The following GSTCD variants were observed in gnomAD, a reference collection of about 807,000 sequenced individuals.
GSTCD encodes the protein glutathione S-transferase C-terminal domain-containing protein.
GSTCD carries 44 observed loss-of-function variants against 68.3 expected under a neutral mutation model. The ratio of observed to expected loss-of-function variants is 0.64; its 90% CI spans 0.51 to 0.83. GSTCD has a LOEUF of 0.83. GSTCD is among the 40% of genes least tolerant of loss of function. The pLI is 0.00. For synonymous variants in GSTCD, 273 were observed against 255.2 expected (o/e 1.07, Z -0.67); for missense variants, 739 against 735.9 (o/e 1.00, Z -0.05).
intron 5 of GSTCD, among the ~76,000 whole-genome samples, chr4:105,804,614 C>T (rs1736259412): frequency 6.6e-6 from 1 of 152,012 alleles, no homozygotes; most frequent in South Asian, 2.1e-4. Flanking sequence ...AATACTTATT[C>T]TATTCTAAAA....
chr4:105,778,824 A>G (rs1020842637), intron 5 of GSTCD, among the ~76,000 whole-genome samples: 1 of 152,128 alleles, frequency 6.6e-6, no homozygotes, highest in Non-Finnish European at 1.5e-5. Context: ...ATAGTACAAT[A>G]ATTCTAATAT....
At chr4:105,770,361 T>C (rs2149242919) in intron 5 of GSTCD, among the ~76,000 whole-genome samples, 1 of 25,260 alleles carries the variant, frequency 4.0e-5, no homozygotes, top group South Asian at 8.2e-3. Context: ...TCCTTATACT[T>C]TTTTTTTTTC....
chr4:105,760,105 T>A (rs1371231036), intron 5 of GSTCD, among the ~76,000 whole-genome samples: 2 of 151,522 alleles, frequency 1.3e-5, no homozygotes, highest in African/African-American at 4.9e-5. Flanking sequence ...CTTATGCAGC[T>A]TAGTAATTTG....
intron 3 of GSTCD, 57 bp downstream of exon 3, chr4:105,719,584 T>A: frequency 7.9e-7 from 1 of 1,269,144 alleles, no homozygotes; most frequent in Non-Finnish European, 1.1e-6. Flanking sequence ...TGAAATTGCC[T>A]AGGTTTGAAT....
At chr4:105,835,492 T>C (rs1724075964) in intron 9 of GSTCD, among the ~76,000 whole-genome samples, 1 of 152,054 alleles carries the variant, frequency 6.6e-6, no homozygotes, top group African/African-American at 2.4e-5. Context: ...TGCAAGCAGC[T>C]TCCACTGTGA....
chr4:105,711,940 G>A (rs947772578), intron 1 of GSTCD, among the ~76,000 whole-genome samples: 3 of 152,054 alleles, frequency 2.0e-5, no homozygotes, highest in African/African-American at 4.8e-5. Context: ...TACTTTTCCC[G>A]ATTCACCTCA....
chr4:105,832,921 C>A (rs927553188), intron 8 of GSTCD, among the ~76,000 whole-genome samples: 14 of 152,202 alleles, frequency 9.2e-5, no homozygotes, highest in African/African-American at 3.4e-4. Context: ...TATTTACTTT[C>A]CCATTCCCTG....
chr4:105,721,979 C>T (rs1732870309), intron 3 of GSTCD, among the ~76,000 whole-genome samples: 1 of 152,068 alleles, frequency 6.6e-6, no homozygotes, highest in African/African-American at 2.4e-5. Flanking sequence ...TGTTCCAATA[C>T]TAGAAGATTG....
chr4:105,779,381 T>C lies in GSTCD; in HGVS notation c.1241-43573T>C, dbSNP rs1735193650. On this transcript the variant is annotated intron_variant, in intron 5 of 11. Coordinates refer to ENST00000515279, the MANE Select transcript of GSTCD (RefSeq NM_001370181.1). ...GATATTTTCTTCTCAGTGCATCATGTCAGGAGGACAACAAAAATAGTAAAA... is the reference window on the plus strand; with the variant it reads ...GATATTTTCTTCTCAGTGCATCATGCCAGGAGGACAACAAAAATAGTAAAA... Among the ~76,000 whole-genome samples the C allele has an allele frequency of 1.3e-5, 2 of 152,200 alleles. 1 individual carries two copies. Among genetic ancestry groups the C allele is most frequent in the South Asian group, 4.1e-4 (2 of 4,832 alleles).
chr4:105,774,774 G>A (rs975948825), intron 5 of GSTCD, among the ~76,000 whole-genome samples: 1 of 152,050 alleles, frequency 6.6e-6, no homozygotes, highest in Non-Finnish European at 1.5e-5. Flanking sequence ...CTCTCTGGCC[G>A]CCCTTAACAT....
At chr4:105,803,495 G>T (rs781297410) in intron 5 of GSTCD, among the ~76,000 whole-genome samples, 11 of 151,944 alleles carry the variant, frequency 7.2e-5, no homozygotes, top group Non-Finnish European at 1.5e-4. Flanking sequence ...TCATAAATAT[G>T]ACACAGTCAT....
intron 5 of GSTCD, among the ~76,000 whole-genome samples, chr4:105,807,447 T>C (rs894316532): frequency 2.0e-5 from 3 of 152,230 alleles, no homozygotes; most frequent in South Asian, 2.1e-4. Flanking sequence ...CAATCAAAGA[T>C]AGGCATTGTT....
chr4:105,813,391 A>G (rs372965082), intron 5 of GSTCD, among the ~76,000 whole-genome samples: 2 of 152,208 alleles, frequency 1.3e-5, no homozygotes, highest in East Asian at 1.9e-4. Context: ...GGAAAATTCC[A>G]TGCATAAGTA....
intron 5 of GSTCD, among the ~76,000 whole-genome samples, chr4:105,736,120 TTATTTTA>T (rs1358384363): frequency 6.6e-6 from 1 of 152,140 alleles, no homozygotes; most frequent in Non-Finnish European, 1.5e-5. Flanking sequence ...TTAAACATAG[TTATTTTA>T]TATTTTATAT....
intron 5 of GSTCD, among the ~76,000 whole-genome samples, chr4:105,812,161 A>C (rs115482909): frequency 3.8e-4 from 58 of 152,184 alleles, no homozygotes; most frequent in Non-Finnish European, 7.1e-4. Flanking sequence ...ATCCCACCTG[A>C]GTTTTTCTGT....
intron 3 of GSTCD, among the ~76,000 whole-genome samples, chr4:105,723,559 A>G (rs1732938540): frequency 6.6e-6 from 1 of 151,800 alleles, no homozygotes; most frequent in Admixed American, 6.6e-5. Flanking sequence ...TGCAAATACT[A>G]TACCATTTTA....
At chr4:105,841,930 AC>A in intron 10 of GSTCD, 134 bp from the exon 11 acceptor site, 1 of 636,266 alleles carries the variant, frequency 1.6e-6, no homozygotes, top group Admixed American at 2.7e-5. Context: ...TTTCAAAAAT[AC>A]TATTTGTGCA....
intron 10 of GSTCD, 113 bp from the exon 11 acceptor site, chr4:105,841,949 ATTC>A: frequency 1.4e-6 from 1 of 722,358 alleles, no homozygotes; most frequent in Non-Finnish European, 2.5e-6. Context: ...GCAGTACTTT[ATTC>A]AGTTAAACAA....
intron 8 of GSTCD, among the ~76,000 whole-genome samples, chr4:105,830,779 T>TA (rs1235587542): frequency 1.3e-5 from 2 of 151,806 alleles, no homozygotes; most frequent in East Asian, 3.9e-4. Context: ...ACTTGGATGT[T>TA]AAAAAAACAA....
Sources: gnomAD v4.1 joint callset for allele counts (sites outside exome capture counted in the v4.1 genomes callset) on GRCh38, gnomAD v4.1.1 for gene constraint, MANE v1.5 for transcripts, NCBI Gene and HGNC (gene_info 2026-07-23, HGNC 2026-07-21) for gene names.